Variants in INTS9 observed in about 807,000 individuals in gnomAD.
INTS9 encodes the protein integrator complex subunit 9, also known as protein related to CPSF subunits of 74 kDa.
A neutral mutation model predicts 79.7 loss-of-function variants in INTS9; 55 were observed. The ratio of observed to expected loss-of-function variants is 0.69; its 90% CI spans 0.56 to 0.86. INTS9 has a LOEUF of 0.86. Ranked by LOEUF, INTS9 falls within the 40% of genes least tolerant of loss-of-function variation. The pLI, the probability that INTS9 is intolerant of heterozygous loss-of-function variation, is 0.00. For missense variants in INTS9, 721 were observed against 831.5 expected (o/e 0.87, Z 1.64); for synonymous variants, 319 against 325.2 (o/e 0.98, Z 0.20).
At chr8:28,879,604 A>T (rs1343634336) in intron 1 of INTS9, among the ~76,000 whole-genome samples, 1 of 152,190 alleles carries the variant, frequency 6.6e-6, no homozygotes, top group Non-Finnish European at 1.5e-5. Context: ...AACATGGAGA[A>T]ATTGGAAATG....
chr8:28,804,078 C>CA (rs1349578441), intron 8 of INTS9, among the ~76,000 whole-genome samples: 1 of 152,098 alleles, frequency 6.6e-6, no homozygotes, highest in Non-Finnish European at 1.5e-5. Flanking sequence ...TATGTGCCAC[C>CA]ACGCCCAGCT....
At chr8:28,801,512 A>G (rs990716371) in intron 8 of INTS9, among the ~76,000 whole-genome samples, 1 of 152,046 alleles carries the variant, frequency 6.6e-6, no homozygotes, top group African/African-American at 2.4e-5. Context: ...CAAACAAAAA[A>G]ACAAAAAAAA....
chr8:28,776,693 C>T (rs1479057955), intron 13 of INTS9, among the ~76,000 whole-genome samples: 11 of 152,052 alleles, frequency 7.2e-5, no homozygotes, highest in Admixed American at 7.2e-4. Context: ...CTTTTCTCCT[C>T]CAAACTGCCC....
chr8:28,780,660 C>T, intron 12 of INTS9, 163 bp downstream of exon 12: 1 of 985,446 alleles, frequency 1.0e-6, no homozygotes. Context: ...CACACTGCTT[C>T]ACTCTTTCTC....
chr8:28,811,876 T>C (rs1026176368), intron 8 of INTS9, among the ~76,000 whole-genome samples: 1 of 152,124 alleles, frequency 6.6e-6, no homozygotes, highest in Non-Finnish European at 1.5e-5. Context: ...GGCACTTTAT[T>C]TGTTTACCTA....
intron 1 of INTS9, among the ~76,000 whole-genome samples, chr8:28,884,118 T>G (rs1810042925): frequency 6.8e-6 from 1 of 147,350 alleles, no homozygotes; most frequent in South Asian, 2.1e-4. Context: ...GTAAGCCAGA[T>G]TTTTTTTTTC....
intron 6 of INTS9, among the ~76,000 whole-genome samples, chr8:28,832,938 G>A (rs919545553): frequency 6.6e-6 from 1 of 151,916 alleles, no homozygotes; most frequent in Non-Finnish European, 1.5e-5. Flanking sequence ...ACTCCAGCCT[G>A]GGAGACAGAG....
chr8:28,833,125 G>T (rs118077840), intron 6 of INTS9, among the ~76,000 whole-genome samples: 3,101 of 152,226 alleles, frequency 0.02, 46 homozygotes, highest in Non-Finnish European at 0.03. Flanking sequence ...CTCAAGCTCC[G>T]AAATAGTCAC....
chr8:28,841,519 T>C (rs1203183617), intron 4 of INTS9, among the ~76,000 whole-genome samples: 1 of 152,188 alleles, frequency 6.6e-6, no homozygotes, highest in African/African-American at 2.4e-5. Context: ...TTGGTATATA[T>C]CAAGAGTGTA....
intron 1 of INTS9, among the ~76,000 whole-genome samples, chr8:28,867,112 C>A (rs2131321814): frequency 6.6e-6 from 1 of 152,088 alleles, no homozygotes; most frequent in South Asian, 2.1e-4. Flanking sequence ...CATGGTGAAA[C>A]CCCACCTCTA....
intron 4 of INTS9, among the ~76,000 whole-genome samples, chr8:28,839,654 G>C (rs1380773833): frequency 6.6e-6 from 1 of 152,080 alleles, no homozygotes; most frequent in East Asian, 1.9e-4. Flanking sequence ...ATAACTATCT[G>C]ATCTTTGACA....
At chr8:28,853,092 A>G (rs928629816) in intron 2 of INTS9, among the ~76,000 whole-genome samples, 5 of 152,208 alleles carry the variant, frequency 3.3e-5, no homozygotes, top group African/African-American at 1.2e-4. Flanking sequence ...AAACTTTGTA[A>G]ATGAGGAGAT....
chr8:28,794,011 G>GA (rs774372776), intron 9 of INTS9, 24 bp from the exon 10 acceptor site: 3 of 1,501,564 alleles, frequency 2.0e-6, no homozygotes, highest in East Asian at 2.3e-5. Flanking sequence ...TGCCAGAGGA[G>GA]AAAAAACATC....
chr8:28,875,232 G>A (rs1809314765), intron 1 of INTS9, among the ~76,000 whole-genome samples: 1 of 152,144 alleles, frequency 6.6e-6, no homozygotes, highest in South Asian at 2.1e-4. Flanking sequence ...CAAATAGGAG[G>A]ATGTCTTGGG....
At chr8:28,817,664 T>G (rs1467743791) in intron 6 of INTS9, among the ~76,000 whole-genome samples, 1 of 151,610 alleles carries the variant, frequency 6.6e-6, no homozygotes, top group Non-Finnish European at 1.5e-5. Flanking sequence ...ATATGAACTT[T>G]AAAGTAGTTT....
At chr8:28,814,243 G>A (rs1404917149) in intron 6 of INTS9, among the ~76,000 whole-genome samples, 3 of 149,038 alleles carry the variant, frequency 2.0e-5, no homozygotes, top group Non-Finnish European at 3.0e-5. Context: ...CATGCCATTA[G>A]CCTCTCCTCT....
At position 28,796,623 on chromosome 8, in the gene INTS9, A is replaced by ATCG; in HGVS notation, c.774_776dup (p.Asp259dup). Reference sequence around the variant, plus strand: ...GGGTAAGCCCTGTCAGAACAAGAACATCGCTGTTTTTGAGAGAAGCTTGGT... The same window carrying ATCG: ...GGGTAAGCCCTGTCAGAACAAGAACATCGTCGCTGTTTTTGAGAGAAGCTTGGT... On this transcript the variant is annotated inframe_insertion, in exon 9 of 17. Coordinates refer to ENST00000521022, the MANE Select transcript of INTS9 (RefSeq NM_018250.4). 6.2e-7 allele frequency: 1 copy of ATCG among 1,614,034 alleles called. No homozygotes were observed. Among genetic ancestry groups the ATCG allele is most frequent in the Non-Finnish European group, 8.5e-7 (1 of 1,179,862 alleles).
chr8:28,778,081 G>C (rs1039141367), intron 12 of INTS9, 128 bp from the exon 13 acceptor site: 1 of 1,014,422 alleles, frequency 9.9e-7, no homozygotes, highest in Non-Finnish European at 1.4e-6. Flanking sequence ...AAGCACACGT[G>C]GGGGACGGAG....
intron 1 of INTS9, among the ~76,000 whole-genome samples, chr8:28,873,517 C>G (rs1809202625): frequency 6.6e-6 from 1 of 152,072 alleles, no homozygotes; most frequent in African/African-American, 2.4e-5. Flanking sequence ...CAAGAATAGG[C>G]AAATGTGAGA....
Sources: allele counts gnomAD v4.1 joint callset (sites outside exome capture counted in the v4.1 genomes callset), GRCh38; gene constraint gnomAD v4.1.1; transcripts MANE v1.5; gene names NCBI Gene and HGNC (gene_info 2026-07-23, HGNC 2026-07-21).